Variants in CAST observed in about 807,000 individuals in gnomAD.
The protein encoded by CAST is MIR583 host.
CAST carries 76 observed loss-of-function variants against 119.6 expected under a neutral mutation model. The observed-to-expected ratio is 0.64, with a 90% CI of 0.53 to 0.77. The LOEUF (loss-of-function observed/expected upper bound fraction) is 0.77, where lower values mean the gene tolerates loss of function less well. Ranked by LOEUF, CAST falls within the 30% of genes least tolerant of loss-of-function variation. The probability of loss-of-function intolerance (pLI) is 0.00; values close to 1 mark genes in which losing one functional copy is unlikely to be tolerated. For missense variants in CAST, 953 were observed against 946.5 expected (o/e 1.01, Z -0.09); for synonymous variants, 319 against 331.6 (o/e 0.96, Z 0.41).
the CAST span, among the ~76,000 whole-genome samples, chr5:96,414,741 G>C: frequency 6.6e-6 from 1 of 152,090 alleles, no homozygotes; most frequent in East Asian, 1.9e-4. Flanking sequence ...AACTATAGCT[G>C]TTTCGTTCAT....
In CAST at chr5:96,736,222, G is replaced by C. The variant is rs373067588; in HGVS notation, c.681G>C (p.Pro227=). The C allele has an allele frequency of 6.2e-7, 1 of 1,610,886 alleles. No homozygotes were observed. Among genetic ancestry groups the C allele is most frequent in the South Asian group, 1.1e-5 (1 of 90,904 alleles). Residue 227 remains proline, a synonymous_variant, in exon 10 of 32, where the codon CCG becomes CCC. Coordinates refer to ENST00000675179, the MANE Select transcript of CAST (RefSeq NM_001750.7). ...LTPAVPVESK[P]DKPSGKSGMD... The stretch of plus-strand genomic sequence containing the variant: ...CAGCTGTGCCAGTTGAATCTAAACC[G>C]GATAAACCATCGGGAAAGGTATGAA...
At chr5:96,361,018 G>C in the CAST span, among the ~76,000 whole-genome samples, 1 of 152,138 alleles carries the variant, frequency 6.6e-6, no homozygotes. Flanking sequence ...CTTTTTTTCA[G>C]AGATGCCCTG....
intron 3 of CAST, among the ~76,000 whole-genome samples, chr5:96,710,766 A>G (rs562781554): frequency 6.6e-6 from 1 of 152,224 alleles, no homozygotes; most frequent in East Asian, 1.9e-4. Flanking sequence ...ATATTATAAA[A>G]CTAAATATCT....
chr5:96,037,450 T>A, the CAST span, among the ~76,000 whole-genome samples: 2 of 152,170 alleles, frequency 1.3e-5, no homozygotes, highest in Non-Finnish European at 2.9e-5. Context: ...TGGGGCAACA[T>A]TTTTAATCAG....
chr5:96,491,681 A>T, the CAST span, among the ~76,000 whole-genome samples: 1 of 152,090 alleles, frequency 6.6e-6, no homozygotes, highest in African/African-American at 2.4e-5. Flanking sequence ...GCCCAACAGG[A>T]ATGTAAATAG....
the CAST span, among the ~76,000 whole-genome samples, chr5:96,288,221 C>T: frequency 6.6e-6 from 1 of 152,104 alleles, no homozygotes; most frequent in Non-Finnish European, 1.5e-5. Context: ...AGCAAATACT[C>T]TGGAGAAAAC....
intron 3 of CAST, among the ~76,000 whole-genome samples, chr5:96,712,159 T>A (rs1408526965): frequency 6.6e-6 from 1 of 152,202 alleles, no homozygotes; most frequent in East Asian, 1.9e-4. Context: ...TGAATTGTTA[T>A]CTGATGGGAA....
chr5:96,507,459 A>G, the CAST span, among the ~76,000 whole-genome samples: 1 of 152,210 alleles, frequency 6.6e-6, no homozygotes, highest in Non-Finnish European at 1.5e-5. Context: ...CAGGATCTCA[A>G]CAAACTTTTA....
the CAST span, among the ~76,000 whole-genome samples, chr5:96,302,342 G>C: frequency 1.3e-5 from 2 of 152,214 alleles, no homozygotes; most frequent in African/African-American, 4.8e-5. Flanking sequence ...CTGCACAAAG[G>C]TCTCTGTAAC....
chr5:96,449,439 A>T, the CAST span, among the ~76,000 whole-genome samples: 1 of 152,126 alleles, frequency 6.6e-6, no homozygotes, highest in East Asian at 1.9e-4. Flanking sequence ...AGATGGAAAA[A>T]TTTCATTCTG....
At chr5:96,423,365 G>A in the CAST span, 1 of 1,613,774 alleles carries the variant, frequency 6.2e-7, no homozygotes, top group South Asian at 1.1e-5. Context: ...ATCCAGTACG[G>A]TGATAACAAC....
At chr5:96,234,183 G>A in the CAST span, among the ~76,000 whole-genome samples, 1 of 152,152 alleles carries the variant, frequency 6.6e-6, no homozygotes, top group African/African-American at 2.4e-5. Context: ...ATTTTTCAGG[G>A]TCTGTCAAAG....
chr5:96,133,713 G>A, the CAST span, among the ~76,000 whole-genome samples: 1 of 152,160 alleles, frequency 6.6e-6, no homozygotes, highest in African/African-American at 2.4e-5. Context: ...GTCTAGGCAA[G>A]TGTTTATAAA....
chr5:96,639,758 T>C (rs1747928618), intron 1 of CAST, among the ~76,000 whole-genome samples: 1 of 152,186 alleles, frequency 6.6e-6, no homozygotes, highest in Non-Finnish European at 1.5e-5. Flanking sequence ...GGTAACTCAG[T>C]GGGTAAAACT....
chr5:96,313,733 A>G, the CAST span, among the ~76,000 whole-genome samples: 1 of 152,182 alleles, frequency 6.6e-6, no homozygotes, highest in Admixed American at 6.5e-5. Context: ...CACCAGCAAT[A>G]TATAAACATT....
the CAST span, among the ~76,000 whole-genome samples, chr5:96,065,425 G>GTGTATTTATA: frequency 6.6e-6 from 1 of 151,868 alleles, no homozygotes; most frequent in Non-Finnish European, 1.5e-5. Context: ...GTGTGTGTGT[G>GTGTATTTATA]TGTGTGTATT....
chr5:96,124,834 A>T, the CAST span, among the ~76,000 whole-genome samples: 1 of 152,218 alleles, frequency 6.6e-6, no homozygotes, highest in South Asian at 2.1e-4. Flanking sequence ...ACTGAGGGTT[A>T]TAGCAACTAT....
intron 1 of CAST, among the ~76,000 whole-genome samples, chr5:96,640,583 C>G (rs1747937843): frequency 6.6e-6 from 1 of 152,100 alleles, no homozygotes; most frequent in Non-Finnish European, 1.5e-5. Flanking sequence ...CCACAAGAGC[C>G]CTTGGGATCA....
the CAST span, among the ~76,000 whole-genome samples, chr5:96,389,909 C>T: frequency 0.71 from 107,378 of 151,684 alleles, 38,974 homozygotes; most frequent in African/African-American, 0.87. Context: ...CACTGTAGTC[C>T]GGGCAAAAGA....
Sources: gnomAD v4.1 joint callset for allele counts (sites outside exome capture counted in the v4.1 genomes callset) on GRCh38, gnomAD v4.1.1 for gene constraint, MANE v1.5 for transcripts, NCBI Gene and HGNC (gene_info 2026-07-23, HGNC 2026-07-21) for gene names.